COX7B2: variants seen among roughly 807,000 people sequenced by gnomAD.
COX7B2 encodes the protein cytochrome c oxidase subunit 7B2.
For missense variants in COX7B2, 109 were observed against 95.9 expected (o/e 1.14, Z -0.57); for synonymous variants, 37 against 32.1 (o/e 1.15, Z -0.51).
intron 1 of COX7B2, among the ~76,000 whole-genome samples, chr4:46,867,551 T>C (rs572880541): frequency 3.9e-5 from 6 of 152,306 alleles, no homozygotes; most frequent in South Asian, 4.2e-4. Context: ...AACCCTTAAT[T>C]TGCGTGTAAT....
chr4:46,892,403 T>C (rs952294073), intron 1 of COX7B2, among the ~76,000 whole-genome samples: 3 of 152,194 alleles, frequency 2.0e-5, no homozygotes, highest in African/African-American at 7.2e-5. Context: ...CATGAGGAAA[T>C]TCATGACACA....
intron 2 of COX7B2, among the ~76,000 whole-genome samples, chr4:46,740,685 C>A (rs1025856832): frequency 2.0e-5 from 3 of 151,732 alleles, no homozygotes; most frequent in Non-Finnish European, 4.4e-5. Flanking sequence ...CTATTGATGG[C>A]AATGCTTAAT....
intron 1 of COX7B2, among the ~76,000 whole-genome samples, chr4:46,874,769 T>A (rs1034825781): frequency 1.3e-5 from 2 of 152,210 alleles, no homozygotes; most frequent in Non-Finnish European, 2.9e-5. Context: ...ACTGGGTAGA[T>A]GTTTTCTGGA....
At chr4:46,773,593 A>T (rs980912649) in intron 2 of COX7B2, among the ~76,000 whole-genome samples, 1 of 152,114 alleles carries the variant, frequency 6.6e-6, no homozygotes, top group African/African-American at 2.4e-5. Flanking sequence ...ATAAGAACTG[A>T]CACTAAAGCT....
At chr4:46,900,935 T>C (rs1720039481) in intron 1 of COX7B2, among the ~76,000 whole-genome samples, 1 of 152,152 alleles carries the variant, frequency 6.6e-6, no homozygotes, top group African/African-American at 2.4e-5. Flanking sequence ...CAAAGACAAA[T>C]ATTAAAAACT....
chr4:46,852,910 A>G (rs571397563), intron 1 of COX7B2, among the ~76,000 whole-genome samples: 119 of 152,292 alleles, frequency 7.8e-4, no homozygotes, highest in African/African-American at 2.7e-3. Flanking sequence ...GTAGTGCCGA[A>G]GCACTGGCTA....
chr4:46,790,829 G>GCA, intron 2 of COX7B2, among the ~76,000 whole-genome samples: 1 of 152,278 alleles, frequency 6.6e-6, no homozygotes, highest in South Asian at 2.1e-4. Context: ...GATAATACCT[G>GCA]ATACTTGCTG....
intron 2 of COX7B2, among the ~76,000 whole-genome samples, chr4:46,833,483 A>C (rs546530139): frequency 6.6e-6 from 1 of 152,330 alleles, no homozygotes; most frequent in African/African-American, 2.4e-5. Flanking sequence ...GCATGGAAAA[A>C]GTATAGCCCA....
chr4:46,908,487 T>C lies in COX7B2; in HGVS notation c.-105+673A>G, dbSNP rs544065188. On this transcript the variant is annotated intron_variant, in intron 1 of 2. Transcript: ENST00000355591. ...TTATATACAAACAGCTACTCTCCTG[T>C]GGGCAAAATTGCCACTACAGCTGAA... is the stretch of plus-strand genomic sequence containing the variant. Among the ~76,000 whole-genome samples, 187 of 152,282 alleles carry C rather than the reference T, an allele frequency of 1.2e-3. 1 individual carries two copies. Among genetic ancestry groups the C allele is most frequent in the African/African-American group, 3.7e-3 (155 of 41,576 alleles).
In COX7B2 at chr4:46,820,846, T is replaced by G. The variant is rs866619989; in HGVS notation, c.-50+24114A>C. Among the ~76,000 whole-genome samples the G allele has an allele frequency of 9.1e-3, 1,342 of 147,372 alleles. 29 individuals are homozygous for G. Among genetic ancestry groups the G allele is most frequent in the African/African-American group, 0.03 (1,215 of 40,368 alleles). ...CAAAAAAAAAAAAAATATATATATA[T>G]ATATATAGATAGATAGATATTACAG... is the stretch of plus-strand genomic sequence containing the variant. On this transcript the variant is annotated intron_variant, in intron 2 of 2. Transcript: ENST00000355591.
Position 46,884,485 on chromosome 4 carries a change from A to T in COX7B2, c.-105+24675T>A, listed in dbSNP as rs112522008. ...GAAAATATTCTACTCACTGAGTTTT[A>T]TCACAAAAATTAGCTCATATGTGAT... On this transcript the variant is annotated intron_variant, in intron 1 of 2. Coordinates refer to ENST00000355591, the MANE Select transcript of COX7B2 (RefSeq NM_130902.3). Among the ~76,000 whole-genome samples, 108 of 152,366 alleles carry T rather than the reference A, an allele frequency of 7.1e-4. 1 individual carries two copies. Among genetic ancestry groups the T allele is most frequent in the African/African-American group, 2.5e-3 (105 of 41,600 alleles).
chr4:46,781,103 C>CAT (rs1475388520), intron 2 of COX7B2, among the ~76,000 whole-genome samples: 4 of 152,074 alleles, frequency 2.6e-5, no homozygotes, highest in Non-Finnish European at 5.9e-5. Context: ...CAGCTTTGAT[C>CAT]ATATGTACCA....
chr4:46,857,045 A>G (rs951174303), intron 1 of COX7B2, among the ~76,000 whole-genome samples: 14 of 152,226 alleles, frequency 9.2e-5, no homozygotes, highest in Admixed American at 5.2e-4. Context: ...TTGCCATTAT[A>G]CCAGTTCTTA....
intron 2 of COX7B2, among the ~76,000 whole-genome samples, chr4:46,789,597 G>A (rs1560381937): frequency 6.6e-6 from 1 of 151,960 alleles, no homozygotes; most frequent in Non-Finnish European, 1.5e-5. Flanking sequence ...CATATAAAAT[G>A]GAATAGAGAT....
At chr4:46,792,175 T>C (rs1286597682) in intron 2 of COX7B2, among the ~76,000 whole-genome samples, 2 of 152,216 alleles carry the variant, frequency 1.3e-5, no homozygotes, top group Non-Finnish European at 2.9e-5. Flanking sequence ...AGATGATTAA[T>C]CAAGCAATTC....
chr4:46,754,948 C>T (rs916837545), intron 2 of COX7B2, among the ~76,000 whole-genome samples: 2 of 150,802 alleles, frequency 1.3e-5, no homozygotes, highest in African/African-American at 4.9e-5. Flanking sequence ...TCTATGAGGC[C>T]AGTATCACCC....
chr4:46,796,344 C>T (rs1300735915), intron 2 of COX7B2, among the ~76,000 whole-genome samples: 1 of 149,336 alleles, frequency 6.7e-6, no homozygotes. Context: ...TGAAGAAATG[C>T]TCATCATCAC....
At chr4:46,853,450 A>T (rs1716828037) in intron 1 of COX7B2, among the ~76,000 whole-genome samples, 1 of 152,184 alleles carries the variant, frequency 6.6e-6, no homozygotes, top group Non-Finnish European at 1.5e-5. Flanking sequence ...AACATTTTAG[A>T]AAATATGTGT....
intron 2 of COX7B2, among the ~76,000 whole-genome samples, chr4:46,738,474 G>T (rs1216347305): frequency 1.3e-5 from 2 of 151,946 alleles, no homozygotes; most frequent in Non-Finnish European, 2.9e-5. Context: ...CAGTCTCTTT[G>T]CTCTTTTTCT....
Sources: allele counts gnomAD v4.1 joint callset (sites outside exome capture counted in the v4.1 genomes callset), GRCh38; gene constraint gnomAD v4.1.1; transcripts MANE v1.5; gene names NCBI Gene and HGNC (gene_info 2026-07-23, HGNC 2026-07-21).